Variants in TMEM232 observed in about 807,000 individuals in gnomAD.
The protein encoded by TMEM232 is transmembrane protein 232.
A neutral mutation model predicts 78.8 loss-of-function variants in TMEM232; 80 were observed. That is an observed-to-expected ratio of 1.01 (90% CI 0.85 to 1.22). The LOEUF (loss-of-function observed/expected upper bound fraction) is 1.22, where lower values mean the gene tolerates loss of function less well. Among genes scored for constraint, TMEM232 ranks in the 50% most tolerant of loss-of-function variants. TMEM232 has a pLI of 0.00. For synonymous variants in TMEM232, 297 were observed against 254.3 expected (o/e 1.17, Z -1.60); for missense variants, 881 against 742.2 (o/e 1.19, Z -2.17).
intron 1 of TMEM232, among the ~76,000 whole-genome samples, chr5:110,713,430 T>C (rs548713066): frequency 1.6e-4 from 25 of 152,114 alleles, no homozygotes; most frequent in Non-Finnish European, 2.4e-4. Context: ...ACTCAAAGTA[T>C]AAATGCTGAG....
At chr5:110,586,934 T>C (rs1778884966) in intron 10 of TMEM232, among the ~76,000 whole-genome samples, 1 of 152,154 alleles carries the variant, frequency 6.6e-6, no homozygotes. Flanking sequence ...CTGCTGAGTG[T>C]TATTTTATTT....
chr5:110,406,261 T>TACACACACAC (rs763984190), intron 2 of TMEM232, among the ~76,000 whole-genome samples: 17 of 53,404 alleles, frequency 3.2e-4, no homozygotes, highest in Non-Finnish European at 4.7e-4. Context: ...GACACAGATA[T>TACACACACAC]ATATACACAC....
chr5:110,496,002 TA>T (rs1216177743), intron 12 of TMEM232, among the ~76,000 whole-genome samples: 8 of 151,912 alleles, frequency 5.3e-5, no homozygotes, highest in African/African-American at 1.4e-4. Context: ...CTTTTTGCAT[TA>T]TTTTTCAAGT....
intron 1 of TMEM232, among the ~76,000 whole-genome samples, chr5:110,692,159 A>G (rs188514308): frequency 1.5e-3 from 233 of 152,266 alleles, no homozygotes; most frequent in African/African-American, 5.5e-3. Context: ...CGGACTCATG[A>G]TCTGCCCGCC....
intron 12 of TMEM232, among the ~76,000 whole-genome samples, chr5:110,495,021 G>T (rs905794027): frequency 6.6e-6 from 1 of 151,588 alleles, no homozygotes; most frequent in Admixed American, 6.6e-5. Context: ...GAATGGAATT[G>T]TGGATAATTT....
intron 1 of TMEM232, among the ~76,000 whole-genome samples, chr5:110,725,282 C>G (rs1484372026): frequency 1.3e-5 from 2 of 152,162 alleles, no homozygotes; most frequent in Non-Finnish European, 2.9e-5. Flanking sequence ...CTCATATATA[C>G]TCTACATCTC....
At chr5:110,711,254 GAAGAA>G (rs1580756411) in intron 1 of TMEM232, among the ~76,000 whole-genome samples, 1 of 152,064 alleles carries the variant, frequency 6.6e-6, no homozygotes, top group Non-Finnish European at 1.5e-5. Flanking sequence ...GAAAGAAATT[GAAGAA>G]GAGACACAAA....
At chr5:110,673,291 C>T (rs1791599733) in intron 1 of TMEM232, among the ~76,000 whole-genome samples, 1 of 146,662 alleles carries the variant, frequency 6.8e-6, no homozygotes, top group Admixed American at 6.9e-5. Flanking sequence ...CATCACACAC[C>T]ACGGCCTGTT....
intron 8 of TMEM232, among the ~76,000 whole-genome samples, chr5:110,613,354 C>T (rs1053002305): frequency 2.0e-5 from 3 of 152,132 alleles, no homozygotes; most frequent in Non-Finnish European, 1.5e-5. Context: ...CATATGAGTA[C>T]ATTTCAATTT....
intron 12 of TMEM232, among the ~76,000 whole-genome samples, chr5:110,500,125 C>G (rs1338876862): frequency 6.6e-6 from 1 of 151,798 alleles, no homozygotes; most frequent in African/African-American, 2.4e-5. Context: ...AACCCTGTCT[C>G]TAGTAAAAAT....
At chr5:110,595,952 G>C (rs1780108656) in intron 10 of TMEM232, among the ~76,000 whole-genome samples, 2 of 152,070 alleles carry the variant, frequency 1.3e-5, no homozygotes, top group Admixed American at 1.3e-4. Flanking sequence ...CTCGAGAAGA[G>C]CAACCCCAAG....
intron 1 of TMEM232, among the ~76,000 whole-genome samples, chr5:110,708,001 C>A (rs1476775759): frequency 6.6e-6 from 1 of 152,122 alleles, no homozygotes; most frequent in Non-Finnish European, 1.5e-5. Flanking sequence ...TTCTAAATAA[C>A]CAACAGAAAT....
At chr5:110,531,135 C>T (rs1242822874) in intron 11 of TMEM232, among the ~76,000 whole-genome samples, 1 of 149,954 alleles carries the variant, frequency 6.7e-6, no homozygotes, top group Non-Finnish European at 1.5e-5. Context: ...CTACTGAGCA[C>T]CCTGTGACCC....
At chr5:110,392,470 G>C (rs1421177036) in intron 3 of TMEM232, among the ~76,000 whole-genome samples, 2 of 152,158 alleles carry the variant, frequency 1.3e-5, no homozygotes, top group Non-Finnish European at 2.9e-5. Context: ...TCATAGGCTG[G>C]CTGGTTTAAA....
chr5:110,540,530 G>T (rs913944845), intron 11 of TMEM232, among the ~76,000 whole-genome samples: 1 of 152,192 alleles, frequency 6.6e-6, no homozygotes, highest in Non-Finnish European at 1.5e-5. Context: ...CTGCGAGCAG[G>T]TCATTGCACA....
At chr5:110,543,203 C>T (rs899389053) in intron 11 of TMEM232, among the ~76,000 whole-genome samples, 2 of 151,984 alleles carry the variant, frequency 1.3e-5, no homozygotes, top group African/African-American at 4.8e-5. Context: ...TTTGACTACT[C>T]CTCACTTACT....
intron 10 of TMEM232, among the ~76,000 whole-genome samples, chr5:110,594,831 T>C (rs1436325186): frequency 1.3e-5 from 2 of 152,022 alleles, no homozygotes; most frequent in Non-Finnish European, 2.9e-5. Context: ...ACAGAAAGGG[T>C]AGCTATTGGC....
intron 12 of TMEM232, among the ~76,000 whole-genome samples, chr5:110,520,070 A>AGGG (rs1426653248): frequency 7.0e-6 from 1 of 142,786 alleles, no homozygotes; most frequent in African/African-American, 2.6e-5. Flanking sequence ...GAGAGAGAGG[A>AGGG]TTAGGTAGGA....
chr5:110,580,820 T>C (rs963041628), intron 10 of TMEM232, among the ~76,000 whole-genome samples: 2 of 151,394 alleles, frequency 1.3e-5, no homozygotes, highest in Non-Finnish European at 3.0e-5. Context: ...TTCAAGAAGA[T>C]TGAAACTATG....
Sources: allele counts gnomAD v4.1 joint callset (sites outside exome capture counted in the v4.1 genomes callset), GRCh38; gene constraint gnomAD v4.1.1; transcripts MANE v1.5; gene names NCBI Gene and HGNC (gene_info 2026-07-23, HGNC 2026-07-21).